Variants in HHLA2 observed in about 807,000 individuals in gnomAD.
HHLA2 encodes the protein HERV-H LTR-associating protein 2.
Under a neutral mutation model 45.9 loss-of-function variants are expected in HHLA2, and 48 were observed. The observed-to-expected ratio is 1.05, with a 90% CI of 0.83 to 1.33. HHLA2 has a LOEUF of 1.33. Ranked by LOEUF, HHLA2 falls within the 40% of genes most tolerant of loss-of-function variation. HHLA2 has a pLI of 0.00. For missense variants in HHLA2, 462 were observed against 494.3 expected, an observed-to-expected ratio of 0.93 and a Z score of 0.62; for synonymous variants, 161 against 173.9, an observed-to-expected ratio of 0.93 and a Z score of 0.59.
chr3:108,346,625 C>T (rs1183878535), intron 3 of HHLA2, among the ~76,000 whole-genome samples: 1 of 152,124 alleles, frequency 6.6e-6, no homozygotes, highest in Non-Finnish European at 1.5e-5. Flanking sequence ...CAGATTGAGA[C>T]CAGCAGTTAT....
chr3:108,315,289 A>G (rs1015038638), intron 2 of HHLA2, among the ~76,000 whole-genome samples: 6 of 152,186 alleles, frequency 3.9e-5, no homozygotes, highest in African/African-American at 1.4e-4. Context: ...AACTTCAGCT[A>G]TCAGAGAACC....
At chr3:108,362,494 ATT>A in intron 8 of HHLA2, 48 bp downstream of exon 7, 1 of 1,192,866 alleles carries the variant, frequency 8.4e-7, no homozygotes, top group Non-Finnish European at 1.2e-6. Context: ...CATCACGTAT[ATT>A]AAAGATAACA....
intron 2 of HHLA2, among the ~76,000 whole-genome samples, chr3:108,316,821 T>C (rs1445523763): frequency 6.6e-6 from 1 of 152,164 alleles, no homozygotes; most frequent in Non-Finnish European, 1.5e-5. Context: ...CCTATGTCAG[T>C]TCACGAAAAC....
At chr3:108,342,316 T>C (rs2081587900) in intron 3 of HHLA2, among the ~76,000 whole-genome samples, 1 of 136,124 alleles carries the variant, frequency 7.3e-6, no homozygotes, top group Non-Finnish European at 1.5e-5. Context: ...CAGGCTGGAG[T>C]GCAACGGCGC....
At chr3:108,347,666 A>G (rs907808638) in intron 3 of HHLA2, among the ~76,000 whole-genome samples, 2 of 152,228 alleles carry the variant, frequency 1.3e-5, no homozygotes, top group Non-Finnish European at 2.9e-5. Flanking sequence ...AAGGGTAACC[A>G]GCCGAATGCG....
intron 8 of HHLA2, among the ~76,000 whole-genome samples, chr3:108,375,290 G>C (rs1266473849): frequency 9.4e-5 from 14 of 148,932 alleles, no homozygotes; most frequent in Non-Finnish European, 1.9e-4. Context: ...GAGAACACAT[G>C]GACACAGGAA....
At chr3:108,348,933 C>T (rs2081722990) in intron 3 of HHLA2, among the ~76,000 whole-genome samples, 1 of 152,038 alleles carries the variant, frequency 6.6e-6, no homozygotes, top group African/African-American at 2.4e-5. Flanking sequence ...TGATGGTTTC[C>T]AGCTTCATCC....
chr3:108,306,465 G>A (rs1033467474), intron 1 of HHLA2, among the ~76,000 whole-genome samples: 1 of 152,074 alleles, frequency 6.6e-6, no homozygotes, highest in Non-Finnish European at 1.5e-5. Flanking sequence ...GAATTTGTCT[G>A]GAAAACCATC....
rs376789414 is a variant in HHLA2, at chr3:108,349,603, CA to C, written c.-26-2182del. Among the ~76,000 whole-genome samples the C allele has an allele frequency of 2.4e-4, 37 of 152,230 alleles. No individual in the cohort carries two copies. In the East Asian group the frequency reaches 5.8e-3, roughly 24 times the overall value. On this transcript the variant is annotated intron_variant, in intron 3 of 10. Transcript: ENST00000619531. Reference sequence around the variant, plus strand: ...GGTACCATTCCTTCTGAAATGATTCCAAACAATAGAAAAAGAGGGAATCCTC... The same window carrying C: ...GGTACCATTCCTTCTGAAATGATTCCAACAATAGAAAAAGAGGGAATCCTC...
At chr3:108,362,070 G>A (rs892766930) in intron 7 of HHLA2, among the ~76,000 whole-genome samples, 3 of 151,894 alleles carry the variant, frequency 2.0e-5, no homozygotes, top group Admixed American at 2.0e-4. Context: ...TAATATTATG[G>A]TATCTGTAGG....
chr3:108,322,521 A>G (rs569907604), intron 2 of HHLA2, among the ~76,000 whole-genome samples: 4 of 152,272 alleles, frequency 2.6e-5, no homozygotes, highest in Admixed American at 2.6e-4. Flanking sequence ...CTCATATTTG[A>G]GCAAGTTGGT....
chr3:108,357,919 A>G, exon 7 of HHLA2: 5 of 1,613,874 alleles, frequency 3.1e-6, no homozygotes, highest in Non-Finnish European at 2.5e-6. Context: ...TCACCAAACC[A>G]AGACTTCAAA....
chr3:108,359,220 A>C (rs2081948748), intron 7 of HHLA2, among the ~76,000 whole-genome samples: 1 of 152,162 alleles, frequency 6.6e-6, no homozygotes, highest in African/African-American at 2.4e-5. Context: ...TAAAGACTAC[A>C]TATGGCCCGT....
intron 2 of HHLA2, among the ~76,000 whole-genome samples, chr3:108,324,813 T>C (rs2107356563): frequency 6.6e-6 from 1 of 152,322 alleles, no homozygotes; most frequent in Middle Eastern, 3.4e-3. Flanking sequence ...AAATTTTTCC[T>C]TCTTTCTGGG....
At chr3:108,365,279 T>C (rs1313380444) in intron 8 of HHLA2, among the ~76,000 whole-genome samples, 1 of 152,218 alleles carries the variant, frequency 6.6e-6, no homozygotes, top group Non-Finnish European at 1.5e-5. Context: ...CTTGTTTTTG[T>C]CAGGTTTGTC....
At chr3:108,325,852 A>C in intron 2 of HHLA2, 1 of 383,018 alleles carries the variant, frequency 2.6e-6, no homozygotes, top group Non-Finnish European at 5.0e-6. Context: ...CACCACTCAC[A>C]TCTCTAGAAC....
intron 3 of HHLA2, among the ~76,000 whole-genome samples, 172 bp from the exon 3 acceptor site, chr3:108,351,611 GTAATC>G (rs1206468712): frequency 3.3e-5 from 5 of 152,136 alleles, no homozygotes; most frequent in African/African-American, 4.8e-5. Context: ...AAATTGTATT[GTAATC>G]TAATTTTTCT....
chr3:108,351,864 G>C, exon 4 of HHLA2: 1 of 1,610,300 alleles, frequency 6.2e-7, no homozygotes, highest in Non-Finnish European at 8.5e-7. Flanking sequence ...TAACATCTCT[G>C]AGTGGATCTC....
chr3:108,341,689 A>C (rs1004161124), intron 3 of HHLA2, among the ~76,000 whole-genome samples: 1 of 152,216 alleles, frequency 6.6e-6, no homozygotes, highest in African/African-American at 2.4e-5. Context: ...ATTATGCGTT[A>C]CTTTCAAATG....
Sources: gnomAD v4.1 joint callset for allele counts (sites outside exome capture counted in the v4.1 genomes callset) on GRCh38, gnomAD v4.1.1 for gene constraint, MANE v1.5 for transcripts, NCBI Gene and HGNC (gene_info 2026-07-23, HGNC 2026-07-21) for gene names.